Variants in FKBP15 observed in about 807,000 individuals in gnomAD.
The protein encoded by FKBP15 is FKBP prolyl isomerase family member 15.
FKBP15 carries 106 observed loss-of-function variants against 158.1 expected under a neutral mutation model. The observed-to-expected ratio is 0.67, with a 90% CI of 0.57 to 0.79. The LOEUF is 0.79. FKBP15 is among the 30% of genes least tolerant of loss of function. FKBP15 has a pLI of 0.00. For missense variants in FKBP15, 1,287 were observed against 1,479.1 expected, an observed-to-expected ratio of 0.87 and a Z score of 2.13; for synonymous variants, 547 against 548.6, an observed-to-expected ratio of 1.00 and a Z score of 0.04.
Position 113,202,145 on chromosome 9 carries a change from C to T in FKBP15, c.498+386G>A, listed in dbSNP as rs187310998. ...CTAGGCTCAAGTGATCCACCTGCCT[C>T]GGCCTCCCAAAATGCTGGGATTACA... On this transcript the variant is annotated intron_variant, in intron 6 of 27. Transcript: ENST00000238256. 9.3e-4 allele frequency among the ~76,000 whole-genome samples: 142 copies of T among 152,206 alleles called. 1 individual carries two copies. The highest frequency in any genetic ancestry group is 3.2e-3 in the African/African-American group (134 of 41,532).
chr9:113,187,921 T>G, intron 13 of FKBP15, 22 bp from the exon 14 acceptor site: 1 of 1,565,544 alleles, frequency 6.4e-7, no homozygotes, highest in African/African-American at 1.3e-5. Context: ...GGAGACATTT[T>G]CACTGTTATC....
chr9:113,182,403 A>C (rs950331323), intron 19 of FKBP15, among the ~76,000 whole-genome samples: 3 of 152,238 alleles, frequency 2.0e-5, no homozygotes, highest in Non-Finnish European at 2.9e-5. Flanking sequence ...TTTGGCAGAC[A>C]CAGATGAAGG....
In FKBP15 at chr9:113,178,714, C is replaced by CT. The variant is rs763614342; in HGVS notation, c.2001dup (p.Glu668ArgfsTer35). 1.2e-6 allele frequency: 2 copies of CT among 1,608,944 alleles called. No homozygotes were observed. The highest frequency in any genetic ancestry group is 1.7e-5 in the Admixed American group (1 of 59,400). On this transcript the variant is annotated frameshift_variant, in exon 20 of 28. Transcript: ENST00000238256. LOFTEE classifies it high-confidence loss of function. ...CTTTCTGTCAGCTGCATCTGCAGCTCTGTTTCCTTTTTTTGGTGAGCAGTC... is the reference window on the plus strand; with the variant it reads ...CTTTCTGTCAGCTGCATCTGCAGCTCTTGTTTCCTTTTTTTGGTGAGCAGTC...
intron 2 of FKBP15, among the ~76,000 whole-genome samples, chr9:113,210,898 G>A (rs1830988232): frequency 1.3e-5 from 2 of 152,284 alleles, no homozygotes; most frequent in South Asian, 4.1e-4. Context: ...TGGACTCTTG[G>A]ACTTACACTA....
At chr9:113,175,627 A>G (rs1399628296) in intron 21 of FKBP15, among the ~76,000 whole-genome samples, 1 of 152,244 alleles carries the variant, frequency 6.6e-6, no homozygotes, top group Non-Finnish European at 1.5e-5. Context: ...GTTAAAAGAC[A>G]GCAAGCTAGA....
chr9:113,191,263 C>G (rs1830569343), intron 11 of FKBP15, among the ~76,000 whole-genome samples: 1 of 151,524 alleles, frequency 6.6e-6, no homozygotes, highest in African/African-American at 2.4e-5. Context: ...ACTTCCATTT[C>G]CCAGATTTAA....
At chr9:113,170,851 A>G (rs1330423222) in intron 24 of FKBP15, among the ~76,000 whole-genome samples, 1 of 152,178 alleles carries the variant, frequency 6.6e-6, no homozygotes, top group Non-Finnish European at 1.5e-5. Flanking sequence ...GTTACCTATC[A>G]AGGGCAGGCA....
intron 1 of FKBP15, among the ~76,000 whole-genome samples, chr9:113,219,142 A>G (rs1831201394): frequency 6.6e-6 from 1 of 152,212 alleles, no homozygotes; most frequent in South Asian, 2.1e-4. Flanking sequence ...ATGGGCTAAA[A>G]CAAACTAACA....
chr9:113,166,213 C>T, intron 27 of FKBP15, 58 bp from the exon 28 acceptor site: 1 of 1,477,628 alleles, frequency 6.8e-7, no homozygotes, highest in South Asian at 1.2e-5. Context: ...CTGGACTTTC[C>T]ACCTGTGAGT....
intron 4 of FKBP15, among the ~76,000 whole-genome samples, chr9:113,204,009 T>C (rs1830841749): frequency 1.3e-5 from 2 of 152,244 alleles, no homozygotes; most frequent in South Asian, 4.1e-4. Context: ...TCATTCATTC[T>C]CCTGTTTATG....
intron 2 of FKBP15, 23 bp from the exon 3 acceptor site, chr9:113,207,319 AGTT>A (rs1174427093): frequency 1.3e-6 from 2 of 1,564,186 alleles, no homozygotes; most frequent in South Asian, 2.2e-5. Flanking sequence ...AAGAAAACAA[AGTT>A]GTCATTCACT....
intron 2 of FKBP15, among the ~76,000 whole-genome samples, chr9:113,210,905 A>G (rs1830988425): frequency 6.6e-6 from 1 of 152,122 alleles, no homozygotes; most frequent in Non-Finnish European, 1.5e-5. Flanking sequence ...TTGGACTTAC[A>G]CTAGCGGTTG....
rs1035542416 is a variant in FKBP15, at chr9:113,198,739, C to T, written c.717+116G>A. The T allele has an allele frequency of 1.4e-5, 11 of 774,096 alleles. No homozygotes were observed. The highest frequency in any genetic ancestry group is 3.9e-5 in the South Asian group (2 of 51,434). 48.0% of individuals were successfully genotyped at this position (774,096 alleles called of 1,614,324 possible). On this transcript the variant is annotated intron_variant, in intron 8 of 27. Coordinates refer to ENST00000238256, the MANE Select transcript of FKBP15 (RefSeq NM_015258.2). This position sits in a 1 kb window ranked among gnomAD's most constrained non-coding sequence, Gnocchi z 5.2. ...TGCACTCCAGCTTGAACAACAAGAG[C>T]GAAACTCCGTCTCAAAAAATAAAAA...
intron 8 of FKBP15, among the ~76,000 whole-genome samples, chr9:113,197,600 C>G (rs1202535397): frequency 1.3e-5 from 2 of 152,112 alleles, no homozygotes; most frequent in African/African-American, 4.8e-5. Flanking sequence ...ACCCAGGAGA[C>G]AGAGGTTGCA....
chr9:113,211,107 G>T (rs1415074292), intron 2 of FKBP15, among the ~76,000 whole-genome samples: 1 of 152,086 alleles, frequency 6.6e-6, no homozygotes, highest in Non-Finnish European at 1.5e-5. Flanking sequence ...TCACACATAC[G>T]TATATTCTAT....
chr9:113,198,923 C>A lies in FKBP15; in HGVS notation c.649G>T (p.Val217Phe), dbSNP rs550666306. 4.4e-6 allele frequency: 7 copies of A among 1,597,704 alleles called. No homozygotes were observed. Among genetic ancestry groups the A allele is most frequent in the African/African-American group, 4.0e-5 (3 of 74,676 alleles). Reference sequence around the variant, plus strand: ...TCTTTGTTAGCAGTGGAGTCGAAAACCTGCAATTTGATCGAAGGAAATTAG... The same window carrying A: ...TCTTTGTTAGCAGTGGAGTCGAAAAACTGCAATTTGATCGAAGGAAATTAG... The part of the protein sequence containing the change: ...WLFQNHVLGQ[V>F]FDSTANKDKL... The change falls in exon 8 of 28, where the codon GTT becomes TTT. Residue 217 changes from valine (V) to phenylalanine (F), a missense_variant and splice_region_variant. By Grantham distance (50) the Val-to-Phe change is conservative. Transcript: ENST00000238256. The surrounding 1 kb of genome is among the most constrained non-coding windows in gnomAD (Gnocchi z 5.2).
chr9:113,211,065 G>C (rs1391401321), intron 2 of FKBP15, among the ~76,000 whole-genome samples: 1 of 152,188 alleles, frequency 6.6e-6, no homozygotes, highest in Non-Finnish European at 1.5e-5. Flanking sequence ...CCTTGTGATC[G>C]TGTGAGTCAG....
At chr9:113,189,678 A>C (rs1830542465) in intron 12 of FKBP15, among the ~76,000 whole-genome samples, 1 of 152,134 alleles carries the variant, frequency 6.6e-6, no homozygotes, top group Admixed American at 6.5e-5. Flanking sequence ...AAATTTTTTC[A>C]AGACCATCGC....
At chr9:113,215,790 C>T (rs1831118470) in intron 1 of FKBP15, among the ~76,000 whole-genome samples, 1 of 150,574 alleles carries the variant, frequency 6.6e-6, no homozygotes, top group African/African-American at 2.4e-5. Context: ...GCTAGGATTA[C>T]AGGCGTGCAT....
Sources: gnomAD v4.1 joint callset for allele counts (sites outside exome capture counted in the v4.1 genomes callset) on GRCh38, gnomAD v4.1.1 for gene constraint, Gnocchi (gnomAD v3.1) non-coding constraint, MANE v1.5 for transcripts, NCBI Gene and HGNC (gene_info 2026-07-23, HGNC 2026-07-21) for gene names.